SEMA3A: variants seen among roughly 807,000 people sequenced by gnomAD.
The protein encoded by SEMA3A is semaphorin 3A, also known as semaphorin-3A.
A neutral mutation model predicts 97.9 loss-of-function variants in SEMA3A; 29 were observed. The observed-to-expected ratio is 0.30, with a 90% CI of 0.22 to 0.40. The LOEUF (loss-of-function observed/expected upper bound fraction) is 0.40. Among genes scored for constraint, SEMA3A ranks in the 10% least tolerant of loss-of-function variants. The pLI is 1.00. For synonymous variants in SEMA3A, 321 were observed against 323.7 expected (o/e 0.99, Z 0.09); for missense variants, 763 against 951.3 (o/e 0.80, Z 2.60).
rs1471408691 is a variant in SEMA3A at position 84,011,066 on chromosome 7, T to C, written c.951A>G (p.Lys317=). ...CATATACAACTGGATTTTTAGGATCTTTAAAGTTCATTAGGAATACATCCT... is the reference window on the plus strand; with the variant it reads ...CATATACAACTGGATTTTTAGGATCCTTAAAGTTCATTAGGAATACATCCT... ...ELQDVFLMNF[K]DPKNPVVYGV... Residue 317 remains lysine, a synonymous_variant, in exon 9 of 17, where the codon AAA becomes AAG. Transcript: ENST00000265362. The C allele has an allele frequency of 6.2e-7, 1 of 1,612,782 alleles. No homozygotes were observed. The highest frequency in any genetic ancestry group is 2.2e-5 in the East Asian group (1 of 44,850).
At chr7:84,420,967 G>T (rs531677267) in intron 1 of SEMA3A, among the ~76,000 whole-genome samples, 1 of 151,826 alleles carries the variant, frequency 6.6e-6, no homozygotes, top group African/African-American at 2.4e-5. Flanking sequence ...TTTTTTAAAG[G>T]ATTTTTTGTG....
chr7:84,102,000 T>G (rs1794971503), intron 4 of SEMA3A, among the ~76,000 whole-genome samples: 1 of 121,754 alleles, frequency 8.2e-6, no homozygotes, highest in African/African-American at 2.6e-5. Flanking sequence ...TAATTTCACC[T>G]GTGGTTATTT....
chr7:84,008,908 T>G (rs1790774057), intron 9 of SEMA3A, among the ~76,000 whole-genome samples: 1 of 152,158 alleles, frequency 6.6e-6, no homozygotes, highest in African/African-American at 2.4e-5. Flanking sequence ...CTTTGTAATG[T>G]TTGGGTTATC....
intron 9 of SEMA3A, among the ~76,000 whole-genome samples, chr7:84,008,490 CAAAAAAA>C (rs752729583): frequency 2.5e-5 from 2 of 81,204 alleles, no homozygotes; most frequent in African/African-American, 8.4e-5. Context: ...GACTCCGTCT[CAAAAAAA>C]AAAAAAAAAA....
intron 6 of SEMA3A, among the ~76,000 whole-genome samples, chr7:84,025,019 G>A (rs551575764): frequency 3.3e-5 from 5 of 152,158 alleles, no homozygotes; most frequent in East Asian, 1.9e-4. Context: ...CTCAGGAGGC[G>A]GAGGTTGCAG....
chr7:84,025,400 C>T (rs1039614096), intron 6 of SEMA3A, among the ~76,000 whole-genome samples: 2 of 152,138 alleles, frequency 1.3e-5, no homozygotes. Flanking sequence ...TATGCCACAA[C>T]ATACAGAAAA....
At chr7:84,286,743 C>T (rs1562887076) in intron 3 of SEMA3A, among the ~76,000 whole-genome samples, 1 of 152,196 alleles carries the variant, frequency 6.6e-6, no homozygotes, top group South Asian at 2.1e-4. Context: ...CACCCTAACT[C>T]AGAGCAGCTC....
chr7:84,046,579 T>A, intron 5 of SEMA3A, 136 bp from the exon 6 acceptor site: 1 of 891,962 alleles, frequency 1.1e-6, no homozygotes, highest in Non-Finnish European at 1.7e-6. Context: ...TGCATCATTA[T>A]GCAGTTACTT....
At chr7:83,963,076 G>A in intron 16 of SEMA3A, 129 bp downstream of exon 16, 2 of 944,928 alleles carry the variant, frequency 2.1e-6, no homozygotes, top group Non-Finnish European at 3.3e-6. Flanking sequence ...TTCAATGAAT[G>A]AGCGATTGAT....
At chr7:84,063,938 G>A (rs1265180090) in intron 4 of SEMA3A, among the ~76,000 whole-genome samples, 5 of 150,916 alleles carry the variant, frequency 3.3e-5, no homozygotes, top group East Asian at 3.9e-4. Context: ...GATACTCCTC[G>A]AGAAGAGCAA....
intron 1 of SEMA3A, among the ~76,000 whole-genome samples, chr7:84,158,431 C>T (rs775752103): frequency 4.6e-5 from 7 of 152,082 alleles, no homozygotes; most frequent in South Asian, 2.1e-4. Context: ...GGATTATAGG[C>T]GTGAGCCACC....
intron 1 of SEMA3A, among the ~76,000 whole-genome samples, chr7:84,159,328 G>A (rs1403616740): frequency 6.6e-6 from 1 of 152,008 alleles, no homozygotes; most frequent in Non-Finnish European, 1.5e-5. Flanking sequence ...ATCTACAGAG[G>A]CATTTCATTC....
In SEMA3A at chr7:83,959,930, T is replaced by C. The variant is rs1268020894; in HGVS notation, c.*1441A>G. 1.3e-5 allele frequency: 2 copies of C among 152,094 alleles called. No individual in the cohort carries two copies. The highest frequency in any genetic ancestry group is 2.9e-5 in the Non-Finnish European group (2 of 67,956). 9.4% of individuals were successfully genotyped at this position (152,094 alleles called of 1,614,324 possible). ...GTCTTTTACCTTATTTTGTAAGTTG[T>C]TGCAGGAAACAAAGAATTTTACATT... On this transcript the variant is annotated 3_prime_UTR_variant, in exon 17 of 17. Transcript: ENST00000265362.
chr7:84,134,883 G>A lies in SEMA3A; in HGVS notation c.181C>T (p.Leu61Phe). The change falls in exon 2 of 17, where the codon CTT becomes TTT. Residue 61 changes from leucine to phenylalanine, a missense_variant. Coordinates refer to ENST00000265362, the MANE Select transcript of SEMA3A (RefSeq NM_006080.3). ...LANSSSYHTF[L>F]LDEERSRLYV... Reference sequence around the variant, plus strand: ...AGCCTACTCCGTTCCTCATCCAAAAGGAAGGTATGATAACTGGAGCTGTTG... The same window carrying A: ...AGCCTACTCCGTTCCTCATCCAAAAAGAAGGTATGATAACTGGAGCTGTTG... 3 of 1,613,870 alleles carry A rather than the reference G, an allele frequency of 1.9e-6. No homozygotes were observed. In the Middle Eastern group the frequency reaches 4.9e-4, roughly 266 times the overall value.
intron 1 of SEMA3A, among the ~76,000 whole-genome samples, chr7:84,139,939 T>C (rs978042596): frequency 6.6e-6 from 1 of 152,086 alleles, no homozygotes; most frequent in African/African-American, 2.4e-5. Flanking sequence ...TAAATGTTCA[T>C]ATTTACTTTT....
At chr7:84,066,033 C>G (rs1259332849) in intron 4 of SEMA3A, among the ~76,000 whole-genome samples, 167 of 150,338 alleles carry the variant, frequency 1.1e-3, no homozygotes, top group Middle Eastern at 6.8e-3. Context: ...AAAATACTGG[C>G]AAACCGAATC....
intron 11 of SEMA3A, 64 bp from the exon 12 acceptor site, chr7:84,002,110 G>A: frequency 1.1e-6 from 1 of 883,986 alleles, no homozygotes; most frequent in Non-Finnish European, 1.8e-6. Flanking sequence ...TAGTGTTAAT[G>A]AATGAAATAT....
At chr7:84,292,026 A>G (rs916813402) in intron 3 of SEMA3A, among the ~76,000 whole-genome samples, 1 of 152,156 alleles carries the variant, frequency 6.6e-6, no homozygotes, top group Non-Finnish European at 1.5e-5. Context: ...ACTGAAACCC[A>G]TGGAGCAGAA....
At chr7:84,390,855 T>C (rs1803550684) in intron 1 of SEMA3A, among the ~76,000 whole-genome samples, 1 of 152,116 alleles carries the variant, frequency 6.6e-6, no homozygotes, top group East Asian at 1.9e-4. Context: ...GAGTTAAAAA[T>C]CAGAATGGTG....
Sources: allele counts gnomAD v4.1 joint callset (sites outside exome capture counted in the v4.1 genomes callset), GRCh38; gene constraint gnomAD v4.1.1; transcripts MANE v1.5; gene names NCBI Gene and HGNC (gene_info 2026-07-23, HGNC 2026-07-21).